ROBO2: variants seen among roughly 807,000 people sequenced by gnomAD.
ROBO2 encodes the protein roundabout homolog 2.
ROBO2 carries 53 observed loss-of-function variants against 160.8 expected under a neutral mutation model. The observed-to-expected ratio is 0.33, with a 90% CI of 0.26 to 0.41. The LOEUF (loss-of-function observed/expected upper bound fraction) is 0.41, where lower values mean the gene tolerates loss of function less well. Among genes scored for constraint, ROBO2 ranks in the 10% least tolerant of loss-of-function variants. The pLI, the probability that ROBO2 is intolerant of heterozygous loss-of-function variation, is 1.00. For missense variants in ROBO2, 1,577 were observed against 1,722.4 expected, an observed-to-expected ratio of 0.92 and a Z score of 1.49; for synonymous variants, 664 against 611.7, an observed-to-expected ratio of 1.09 and a Z score of -1.26.
At chr3:76,437,731 C>G (rs1016496734) in intron 2 of ROBO2, among the ~76,000 whole-genome samples, 12 of 152,058 alleles carry the variant, frequency 7.9e-5, no homozygotes, top group Admixed American at 6.6e-4. Context: ...GTGCTGTACT[C>G]AAGTGAATAA....
chr3:76,461,392 A>G (rs1317131186), intron 2 of ROBO2, among the ~76,000 whole-genome samples: 1 of 152,178 alleles, frequency 6.6e-6, no homozygotes, highest in Admixed American at 6.6e-5. Flanking sequence ...AGGGACAAAT[A>G]TCTAGTCTAT....
intron 2 of ROBO2, among the ~76,000 whole-genome samples, chr3:76,243,877 A>G (rs995215929): frequency 2.0e-5 from 3 of 152,212 alleles, no homozygotes; most frequent in Admixed American, 6.5e-5. Flanking sequence ...GTTTATTCAT[A>G]CAGTATAGTT....
intron 1 of ROBO2, among the ~76,000 whole-genome samples, chr3:75,926,763 C>A (rs899389570): frequency 6.6e-6 from 1 of 152,164 alleles, no homozygotes; most frequent in African/African-American, 2.4e-5. Context: ...TGAAATGTCT[C>A]CATCGAACAT....
chr3:76,162,545 A>G (rs902478636), intron 2 of ROBO2, among the ~76,000 whole-genome samples: 1 of 152,112 alleles, frequency 6.6e-6, no homozygotes, highest in Non-Finnish European at 1.5e-5. Context: ...ACTCTTTGCC[A>G]TGAGCAATCT....
intron 2 of ROBO2, among the ~76,000 whole-genome samples, chr3:76,885,703 A>G (rs62261844): frequency 0.11 from 17,034 of 152,210 alleles, 1,320 homozygotes; most frequent in Admixed American, 0.23. Flanking sequence ...GTACTTATGA[A>G]CTATATCAGG....
At chr3:76,015,193 A>G (rs1202915694) in intron 2 of ROBO2, among the ~76,000 whole-genome samples, 1 of 152,214 alleles carries the variant, frequency 6.6e-6, no homozygotes. Context: ...TTCTGTGGTT[A>G]CCAAATTACA....
intron 2 of ROBO2, among the ~76,000 whole-genome samples, chr3:76,023,213 G>A (rs644257): frequency 6.6e-6 from 1 of 151,632 alleles, no homozygotes; most frequent in East Asian, 1.9e-4. Context: ...AGCGACAAGT[G>A]TGTTTTACAT....
At chr3:77,174,820 T>TA (rs1164257591) in intron 2 of ROBO2, among the ~76,000 whole-genome samples, 1 of 151,964 alleles carries the variant, frequency 6.6e-6, no homozygotes. Flanking sequence ...AGAGTATAGA[T>TA]AAAAAGAAAA....
chr3:77,291,165 C>A (rs1167288955), intron 2 of ROBO2, among the ~76,000 whole-genome samples: 1 of 145,578 alleles, frequency 6.9e-6, no homozygotes, highest in Non-Finnish European at 1.5e-5. Context: ...GAAGTTGAGG[C>A]TAGAACAGTA....
intron 2 of ROBO2, among the ~76,000 whole-genome samples, chr3:77,258,577 C>T (rs1358427485): frequency 2.0e-5 from 3 of 149,986 alleles, no homozygotes; most frequent in South Asian, 2.1e-4. Context: ...GAGCCGAGAT[C>T]GCACCACTGC....
At chr3:77,312,253 A>G (rs1415629816) in intron 2 of ROBO2, among the ~76,000 whole-genome samples, 1 of 152,176 alleles carries the variant, frequency 6.6e-6, no homozygotes, top group Non-Finnish European at 1.5e-5. Flanking sequence ...TTGTTTATTG[A>G]GTATTTTTGT....
intron 2 of ROBO2, among the ~76,000 whole-genome samples, chr3:77,449,962 C>T (rs2080955227): frequency 6.6e-6 from 1 of 151,436 alleles, no homozygotes; most frequent in Non-Finnish European, 1.5e-5. Flanking sequence ...ATCTGCCTGT[C>T]AATAGAAAAT....
At chr3:77,605,428 T>C (rs1214094101) in intron 20 of ROBO2, among the ~76,000 whole-genome samples, 1 of 152,080 alleles carries the variant, frequency 6.6e-6, no homozygotes, top group Non-Finnish European at 1.5e-5. Context: ...AACCTACCAT[T>C]GCTCACTGCT....
At chr3:76,144,874 T>C (rs1453924986) in intron 2 of ROBO2, among the ~76,000 whole-genome samples, 2 of 151,652 alleles carry the variant, frequency 1.3e-5, no homozygotes, top group African/African-American at 4.8e-5. Flanking sequence ...ACTTTCCTTG[T>C]TGAGATGACC....
intron 2 of ROBO2, among the ~76,000 whole-genome samples, chr3:77,469,191 TAAATATA>T (rs1462966567): frequency 1.3e-5 from 2 of 152,172 alleles, no homozygotes; most frequent in African/African-American, 2.4e-5. Flanking sequence ...TACACTGGCT[TAAATATA>T]AAAGGAAACA....
At chr3:76,157,024 G>A (rs1190245131) in intron 2 of ROBO2, among the ~76,000 whole-genome samples, 1 of 152,072 alleles carries the variant, frequency 6.6e-6, no homozygotes, top group African/African-American at 2.4e-5. Flanking sequence ...TAAAGTATGT[G>A]TGTGGATATG....
intron 2 of ROBO2, among the ~76,000 whole-genome samples, chr3:76,077,640 C>T (rs944475513): frequency 1.4e-4 from 22 of 151,940 alleles, no homozygotes; most frequent in Non-Finnish European, 2.1e-4. Context: ...ACTTGAGCAA[C>T]ATTTTTCCTA....
At chr3:76,705,446 G>A (rs1473242543) in intron 2 of ROBO2, among the ~76,000 whole-genome samples, 1 of 152,112 alleles carries the variant, frequency 6.6e-6, no homozygotes, top group Non-Finnish European at 1.5e-5. Context: ...TTCTCTGATA[G>A]AGAGTGTACA....
Position 76,657,591 on chromosome 3 carries a change from TATATATATGTATATATATATTC to T in ROBO2, c.110-440412_110-440391del, listed in dbSNP as rs1283224566. Among the ~76,000 whole-genome samples the T allele has an allele frequency of 6.4e-3, 935 of 145,356 alleles. 20 individuals are homozygous for T. Among genetic ancestry groups the T allele is most frequent in the African/African-American group, 0.021 (838 of 39,358 alleles). On this transcript the variant is annotated intron_variant, in intron 2 of 26. Coordinates refer to the ROBO2 transcript ENST00000487694. ...TGAAACCCTGCCTCTCTAAAAAAAA[TATATATATGTATATATATATTC>T]ATATATATGTGTATATATATTCATA...
Sources: allele counts gnomAD v4.1 joint callset (sites outside exome capture counted in the v4.1 genomes callset), GRCh38; gene constraint gnomAD v4.1.1; transcripts MANE v1.5; gene names NCBI Gene and HGNC (gene_info 2026-07-23, HGNC 2026-07-21).